CHFR: variants seen among roughly 807,000 people sequenced by gnomAD.
CHFR encodes checkpoint with forkhead and ring finger domains, also known as E3 ubiquitin-protein ligase CHFR.
A neutral mutation model predicts 87.6 loss-of-function variants in CHFR; 57 were observed. The ratio of observed to expected loss-of-function variants is 0.65; its 90% confidence interval spans 0.53 to 0.81. The LOEUF is 0.81. CHFR is among the 30% of genes least tolerant of loss of function. CHFR has a pLI of 0.00. For synonymous variants in CHFR, 381 were observed against 359.2 expected (o/e 1.06, Z -0.69); for missense variants, 797 against 865.8 (o/e 0.92, Z 1.00).
rs746850522 is a variant in CHFR, at chr12:132,841,279, C to T, written c.*275G>A. Reference sequence around the variant, plus strand: ...AAACTGCCCCTCTCGGCGGGACGGCCGCATGTTACAGAAAGGCTTCGTCTC... The same window carrying T: ...AAACTGCCCCTCTCGGCGGGACGGCTGCATGTTACAGAAAGGCTTCGTCTC... On this transcript the variant is annotated 3_prime_UTR_variant, in exon 18 of 18. Transcript: ENST00000450056. 2 of 379,016 alleles carry T rather than the reference C, an allele frequency of 5.3e-6. No individual in the cohort carries two copies. Among genetic ancestry groups the T allele is most frequent in the South Asian group, 6.8e-5 (1 of 14,734 alleles). 23.5% of individuals were successfully genotyped at this position (379,016 alleles called of 1,614,324 possible).
At chr12:132,849,650 T>G (rs796378602) in intron 12 of CHFR, 3 of 151,322 alleles carry the variant, frequency 2.0e-5, no homozygotes, top group African/African-American at 7.3e-5. Context: ...GGCTGGAGTA[T>G]AGTGGAGCAA....
In CHFR at chr12:132,838,833, C is replaced by G. The variant is rs539082548; in HGVS notation, c.*2721G>C. On this transcript the variant is annotated 3_prime_UTR_variant, in exon 18 of 18. Coordinates refer to ENST00000450056, the MANE Select transcript of CHFR (RefSeq NM_001161346.2). Reference sequence around the variant, plus strand: ...TTCACGGCCACCTGCTTCCATAAAACACAGCTCCTTACCACACCCGAGGAG... The same window carrying G: ...TTCACGGCCACCTGCTTCCATAAAAGACAGCTCCTTACCACACCCGAGGAG... 6.6e-6 allele frequency: 1 copy of G among 152,364 alleles called. No individual in the cohort carries two copies. The highest frequency in any genetic ancestry group is 1.5e-5 in the Non-Finnish European group (1 of 68,092). 9.4% of individuals were successfully genotyped at this position (152,364 alleles called of 1,614,324 possible). A position where few individuals can be genotyped will look rare whatever the true frequency, so the allele number is the denominator to read the frequency against.
intron 14 of CHFR, chr12:132,847,591 A>G: frequency 1.9e-6 from 2 of 1,066,340 alleles, no homozygotes; most frequent in Non-Finnish European, 2.3e-6. Flanking sequence ...TGTCTGTGGC[A>G]AGCCTCAAGG....
rs1286314037 is a variant in CHFR at position 132,853,570 on chromosome 12, C to G, written c.1233G>C (p.Gln411His). 3 of 1,529,056 alleles carry G rather than the reference C, an allele frequency of 2.0e-6. No homozygotes were observed. The highest frequency in any genetic ancestry group is 1.4e-5 in the African/African-American group (1 of 71,670). The allele number at this position is 1,529,056 out of a possible 1,614,324, so 94.7% of individuals were successfully genotyped here. Residue 411 changes from glutamine to histidine, a missense_variant, in exon 11 of 18, where the codon CAG (glutamine) becomes CAC (histidine). By Grantham distance (24) the Gln-to-His change is conservative. Around this residue, in one of 2 missense-constraint regions of CHFR, gnomAD observed 597 missense variants for 601.2 expected, o/e 0.99. Coordinates refer to ENST00000450056, the MANE Select transcript of CHFR (RefSeq NM_001161346.2). ...GACACTGCCGGCACACGACGTATGG[C>G]TGGCTGCAAGGAAGCACAGGGCCGA... ...DVDSESSDISQPYVVCRQCPE... is the reference protein window; with the variant it reads ...DVDSESSDISHPYVVCRQCPE...
chr12:132,870,081 G>A (rs138363744), intron 5 of CHFR, among the ~76,000 whole-genome samples: 3,877 of 151,786 alleles, frequency 0.026, 63 homozygotes, highest in East Asian at 0.043. Context: ...TGCCGGGCGC[G>A]GTGGCTCATA....
At position 132,887,350 on chromosome 12, in the gene CHFR, C is replaced by A; in HGVS notation, c.-12-10G>T. The stretch of plus-strand genomic sequence containing the variant: ...CCATCGGGATTCACATCTGCGGAGA[C>A]CCCGGAAACGCCCATGGAGACTCCC... On this transcript the variant is annotated splice_polypyrimidine_tract_variant and intron_variant, in intron 1 of 17. Transcript: ENST00000450056. The A allele has an allele frequency of 1.4e-6, 2 of 1,396,140 alleles. No homozygotes were observed. The highest frequency in any genetic ancestry group is 1.9e-6 in the Non-Finnish European group (2 of 1,075,422). 86.5% of individuals were successfully genotyped at this position (1,396,140 alleles called of 1,614,324 possible).
chr12:132,852,132 T>C lies in CHFR; in HGVS notation c.1373-395A>G, dbSNP rs377117671. Among the ~76,000 whole-genome samples, 56 of 150,784 alleles carry C rather than the reference T, an allele frequency of 3.7e-4. No homozygotes were observed. In the East Asian group the frequency reaches 4.5e-3, roughly 12 times the overall value. ...CCGAGTAGCTGGGACTACAGGTGCC[T>C]GCCACGCCTGGCTAATTTTTTTTTT... is the stretch of plus-strand genomic sequence containing the variant. On this transcript the variant is annotated intron_variant, in intron 11 of 17. Transcript: ENST00000450056.
Position 132,836,980 on chromosome 12 carries a change from G to A in CHFR, c.*4574C>T, listed in dbSNP as rs1950652477. 1 of 360,640 alleles carries A rather than the reference G, an allele frequency of 2.8e-6. No homozygotes were observed. Among genetic ancestry groups the A allele is most frequent in the Non-Finnish European group, 5.4e-6 (1 of 183,640 alleles). The allele number at this position is 360,640 out of a possible 1,614,324, so 22.3% of individuals were successfully genotyped here. On this transcript the variant is annotated 3_prime_UTR_variant, in exon 18 of 18. Coordinates refer to ENST00000450056, the MANE Select transcript of CHFR (RefSeq NM_001161346.2). ...GATGTTTCCTTTCCGATAGTGACAG[G>A]TGCTGGGGGGAAACTAGACTGGCTG...
chr12:132,834,551 G>C lies in CHFR; in HGVS notation c.*7003C>G, dbSNP rs1042500415. On this transcript the variant is annotated 3_prime_UTR_variant, in exon 18 of 18. Coordinates refer to ENST00000450056, the MANE Select transcript of CHFR (RefSeq NM_001161346.2). ...CCAAAATGAAGGGGCAGGCAGGGCT[G>C]GTTCCTTCTGGTGGCCCTGCAGGGA... 6.6e-6 allele frequency: 1 copy of C among 152,192 alleles called. No homozygotes were observed. Among genetic ancestry groups the C allele is most frequent in the Non-Finnish European group, 1.5e-5 (1 of 68,070 alleles). 9.4% of individuals were successfully genotyped at this position (152,192 alleles called of 1,614,324 possible).
rs187362294 is a variant in CHFR, at chr12:132,851,025, C to T, written c.1492+593G>A. ...TTTTGTTTTGAGACAGGATTTCCCT[C>T]TGTCGCCAAGGCTGGAGTACAGTGG... On this transcript the variant is annotated intron_variant, in intron 12 of 17. Coordinates refer to ENST00000450056, the MANE Select transcript of CHFR (RefSeq NM_001161346.2). Among the ~76,000 whole-genome samples, 35 of 150,388 alleles carry T rather than the reference C, an allele frequency of 2.3e-4. No homozygotes were observed. The East Asian group carries it at 6.6e-3, about 28-fold the overall frequency.
chr12:132,871,460 T>C (rs1435608698), intron 4 of CHFR, among the ~76,000 whole-genome samples: 1 of 150,258 alleles, frequency 6.7e-6, no homozygotes, highest in Non-Finnish European at 1.5e-5. Flanking sequence ...CTGTCTCTTA[T>C]TTATTTAAAA....
chr12:132,849,285 G>A lies in CHFR; in HGVS notation c.1493-561C>T, dbSNP rs184200761. ...TCGTTTCTTAAACTGAACATTTACA[G>A]GCGTGATGCACTGCACCCGGCCTCA... is the stretch of plus-strand genomic sequence containing the variant. On this transcript the variant is annotated intron_variant, in intron 12 of 17. Transcript: ENST00000450056. 4 of 152,282 alleles carry A rather than the reference G, an allele frequency of 2.6e-5. No individual in the cohort carries two copies. In the East Asian group the frequency reaches 7.7e-4, roughly 29 times the overall value. The allele number at this position is 152,282 out of a possible 1,614,324, so 9.4% of individuals were successfully genotyped here. A position where few individuals can be genotyped will look rare whatever the true frequency, so the allele number is the denominator to read the frequency against.
At chr12:132,879,090 C>G (rs1401538977) in intron 2 of CHFR, among the ~76,000 whole-genome samples, 1 of 146,852 alleles carries the variant, frequency 6.8e-6, no homozygotes, top group Non-Finnish European at 1.5e-5. Flanking sequence ...CCACAACCTC[C>G]ACCTCCCAGG....
intron 17 of CHFR, 116 bp from the exon 18 acceptor site, chr12:132,841,712 G>GA: frequency 1.2e-6 from 1 of 836,084 alleles, no homozygotes. Flanking sequence ...ACCATACACA[G>GA]AAAGAGCTAC....
At chr12:132,847,503 T>A (rs775242919) in intron 14 of CHFR, 29 of 1,089,934 alleles carry the variant, frequency 2.7e-5, no homozygotes, top group Admixed American at 4.7e-5. Context: ...TCTGTGCCCT[T>A]CAAACACACA....
Position 132,868,521 on chromosome 12 carries a change from C to CAA in CHFR, c.583+1096_583+1097dup, listed in dbSNP as rs58162770. ...CATCTCAAAACAAACAAACAAAAAA[C>CAA]AAAAAAAAATTAGCTGGGCGTGGTT... On this transcript the variant is annotated intron_variant, in intron 6 of 17. Transcript: ENST00000450056. Among the ~76,000 whole-genome samples the CAA allele has an allele frequency of 5.9e-5, 8 of 136,262 alleles. 1 individual carries two copies. Among genetic ancestry groups the CAA allele is most frequent in the South Asian group, 2.5e-4 (1 of 4,078 alleles). 89.4% of individuals were successfully genotyped at this position (136,262 alleles called of 152,430 possible).
intron 9 of CHFR, among the ~76,000 whole-genome samples, chr12:132,857,018 T>TGCTGGTGGAGGGACCGCCCTCACGTGCCC (rs1951089948): frequency 4.2e-5 from 3 of 71,898 alleles, no homozygotes; most frequent in African/African-American, 6.8e-5. Flanking sequence ...CTCACGTGCC[T>TGCTGGTGGAGGGACCGCCCTCACGTGCCC]GGGTGCTGGT....
At chr12:132,886,374 C>CAA (rs10616057) in intron 2 of CHFR, among the ~76,000 whole-genome samples, 113 of 147,654 alleles carry the variant, frequency 7.7e-4, no homozygotes, top group African/African-American at 2.7e-3. Flanking sequence ...TGAAATTAAC[C>CAA]AAAAAAAAAA....
Position 132,847,109 on chromosome 12 carries a change from A to C in CHFR, c.1669T>G (p.Leu557Val). Residue 557 changes from leucine to valine, a missense_variant, in exon 15 of 18, where the codon TTG (leucine) becomes GTG (valine). Leu to Val is a conservative substitution (Grantham distance 32, BLOSUM62 1). Transcript: ENST00000450056. ...ILKNYLATRG[L>V]TWKNMLTESL... ...TCGGTCAACATGTTTTTCCATGTCAAACCTCTGGTTGCCAGGTAATTCTGT... is the reference window on the plus strand; with the variant it reads ...TCGGTCAACATGTTTTTCCATGTCACACCTCTGGTTGCCAGGTAATTCTGT... 1 of 1,613,628 alleles carries C rather than the reference A, an allele frequency of 6.2e-7. No individual in the cohort carries two copies. The highest frequency in any genetic ancestry group is 8.5e-7 in the Non-Finnish European group (1 of 1,179,762).
Sources: allele counts gnomAD v4.1 joint callset (sites outside exome capture counted in the v4.1 genomes callset), GRCh38; gene constraint gnomAD v4.1.1; regional missense constraint gnomAD v4.1.1; transcripts MANE v1.5; gene names NCBI Gene and HGNC (gene_info 2026-07-23, HGNC 2026-07-21).